Variants in TBL1XR1 observed in about 807,000 individuals in gnomAD.
TBL1XR1 encodes the protein TBL1X/Y related 1, also known as F-box-like/WD repeat-containing protein TBL1XR1.
In TBL1XR1, 5 loss-of-function variants were observed where a neutral mutation model predicts 66.9. The ratio of observed to expected loss-of-function variants is 0.07; its 90% CI spans 0.04 to 0.16. The LOEUF (loss-of-function observed/expected upper bound fraction) is 0.16. TBL1XR1 is among the 10% of genes least tolerant of loss of function. The pLI is 1.00. For missense variants in TBL1XR1, 238 were observed against 623.2 expected, an observed-to-expected ratio of 0.38 and a Z score of 6.58; for synonymous variants, 210 against 206.0, an observed-to-expected ratio of 1.02 and a Z score of -0.17.
At chr3:177,198,633 C>T (rs1348485467), upstream of TBL1XR1, among the ~76,000 whole-genome samples, 1 of 152,118 alleles carries the variant, frequency 6.6e-6, no homozygotes, top group African/African-American at 2.4e-5. Context: ...CTTTTTAGAG[C>T]TTTGTATAAG....
At chr3:177,147,178 C>G (rs1390772132) in intron 1 of TBL1XR1, among the ~76,000 whole-genome samples, 1 of 151,966 alleles carries the variant, frequency 6.6e-6, no homozygotes, top group Non-Finnish European at 1.5e-5. Flanking sequence ...TCCTAAGTAG[C>G]TGGGACTACA....
chr3:177,104,430 C>T (rs1724620668), intron 1 of TBL1XR1, among the ~76,000 whole-genome samples: 1 of 152,180 alleles, frequency 6.6e-6, no homozygotes, highest in African/African-American at 2.4e-5. Flanking sequence ...CTAAGCATTA[C>T]ATCCTCCACT....
intron 1 of TBL1XR1, among the ~76,000 whole-genome samples, chr3:177,111,724 T>C (rs1041019276): frequency 6.6e-6 from 1 of 152,188 alleles, no homozygotes; most frequent in African/African-American, 2.4e-5. Context: ...CAGGAATCTC[T>C]TTGCCATACC....
intron 3 of TBL1XR1, among the ~76,000 whole-genome samples, chr3:177,057,282 T>TC (rs1300330814): frequency 6.6e-6 from 1 of 152,202 alleles, no homozygotes; most frequent in Non-Finnish European, 1.5e-5. Context: ...AACCAGTCTC[T>TC]CCTACGCTGA....
In TBL1XR1 at chr3:177,176,669, G is replaced by A. The variant is rs142660058; in HGVS notation, c.-122+20452C>T. Among the ~76,000 whole-genome samples, 917 of 151,880 alleles carry A rather than the reference G, an allele frequency of 6.0e-3. 12 individuals are homozygous for A. The highest frequency in any genetic ancestry group is 0.021 in the African/African-American group (877 of 41,458). ...TCTCTATTAAAAACACAAAAAATTA[G>A]CCAGGCGTGATGGCGCATGCCTGTA... is the stretch of plus-strand genomic sequence containing the variant. On this transcript the variant is annotated intron_variant, in intron 1 of 15. Transcript: ENST00000457928.
intron 2 of TBL1XR1, among the ~76,000 whole-genome samples, chr3:177,074,966 G>GT (rs1720505427): frequency 6.6e-6 from 1 of 152,152 alleles, no homozygotes; most frequent in Non-Finnish European, 1.5e-5. Context: ...ATGTAATGAT[G>GT]TAAGACAACA....
intron 1 of TBL1XR1, among the ~76,000 whole-genome samples, chr3:177,150,306 G>C (rs1160650944): frequency 6.6e-6 from 1 of 152,150 alleles, no homozygotes; most frequent in Non-Finnish European, 1.5e-5. Flanking sequence ...CAAACAGTGT[G>C]GTGTCAAAGA....
At chr3:177,171,702 CAAAAAAAAAAAAAAA>C (rs34278942) in intron 1 of TBL1XR1, among the ~76,000 whole-genome samples, 1 of 47,306 alleles carries the variant, frequency 2.1e-5, no homozygotes, top group Non-Finnish European at 3.6e-5. Context: ...GACTCCGTCT[CAAAAAAAAAAAAAAA>C]AAAAAAAAAA....
intron 1 of TBL1XR1, among the ~76,000 whole-genome samples, chr3:177,156,652 G>A (rs1731559661): frequency 6.6e-6 from 1 of 151,280 alleles, no homozygotes; most frequent in African/African-American, 2.4e-5. Flanking sequence ...AATTACATGA[G>A]GACATATGAC....
At chr3:177,100,154 A>G (rs1257762522) in intron 1 of TBL1XR1, among the ~76,000 whole-genome samples, 2 of 152,126 alleles carry the variant, frequency 1.3e-5, no homozygotes, top group Non-Finnish European at 2.9e-5. Context: ...CACGAGGGTC[A>G]CTTGAGCCTG....
At position 177,022,354 on chromosome 3, in the gene TBL1XR1, A is replaced by G. The variant is rs1426219791; in HGVS notation, c.*3144T>C. ...AATAATTAAAACAGAATTCAATACA[A>G]TCTAGTATCTATTAGGAAATTAAGA... On this transcript the variant is annotated 3_prime_UTR_variant, in exon 16 of 16. Transcript: ENST00000457928. The G allele has an allele frequency of 6.6e-6, 1 of 152,526 alleles. No homozygotes were observed. The highest frequency in any genetic ancestry group is 1.5e-5 in the Non-Finnish European group (1 of 67,968). The allele number at this position is 152,526 out of a possible 1,614,324, so 9.4% of individuals were successfully genotyped here. A position where few individuals can be genotyped will look rare whatever the true frequency, so the allele number is the denominator to read the frequency against.
At chr3:177,184,997 TCC>T (rs1026021128) in intron 1 of TBL1XR1, among the ~76,000 whole-genome samples, 18 of 152,192 alleles carry the variant, frequency 1.2e-4, no homozygotes, top group Admixed American at 3.9e-4. Context: ...AACATCATTT[TCC>T]CCCTTCTTTT....
At chr3:177,089,031 G>A (rs1048848111) in intron 2 of TBL1XR1, among the ~76,000 whole-genome samples, 17 of 152,126 alleles carry the variant, frequency 1.1e-4, no homozygotes, top group African/African-American at 3.4e-4. Flanking sequence ...TCTCGGCAGC[G>A]ACCTGTTGGC....
intron 2 of TBL1XR1, among the ~76,000 whole-genome samples, chr3:177,069,791 G>GGAAA (rs1230482994): frequency 1.3e-5 from 1 of 77,076 alleles, no homozygotes. Flanking sequence ...GGAAAAGGAA[G>GGAAA]GAAAGGAAGG....
intron 1 of TBL1XR1, among the ~76,000 whole-genome samples, chr3:177,105,413 G>C (rs1305969559): frequency 6.6e-6 from 1 of 152,004 alleles, no homozygotes; most frequent in Non-Finnish European, 1.5e-5. Flanking sequence ...TAATATGAAG[G>C]GGGGATATCA....
At chr3:177,132,116 T>C (rs1440171589) in intron 1 of TBL1XR1, among the ~76,000 whole-genome samples, 1 of 152,224 alleles carries the variant, frequency 6.6e-6, no homozygotes, top group African/African-American at 2.4e-5. Context: ...CAGCATTGTT[T>C]ACTGTTAACA....
intron 5 of TBL1XR1, among the ~76,000 whole-genome samples, chr3:177,050,945 G>T (rs183989403): frequency 1.3e-5 from 2 of 152,182 alleles, no homozygotes; most frequent in Admixed American, 1.3e-4. Flanking sequence ...GTTTCTGCCA[G>T]TAGGGGTTGC....
At chr3:177,047,998 G>T (rs756311602) in intron 7 of TBL1XR1, 22 of 160,364 alleles carry the variant, frequency 1.4e-4, no homozygotes, top group Non-Finnish European at 2.5e-4. Context: ...TGTCTAAAAC[G>T]AAGTGTGTGG....
chr3:177,167,427 C>T (rs1188233458), intron 1 of TBL1XR1, among the ~76,000 whole-genome samples: 5 of 152,086 alleles, frequency 3.3e-5, no homozygotes, highest in Middle Eastern at 3.2e-3. Flanking sequence ...TACATTTGGT[C>T]GAACACGCAG....
Sources: gnomAD v4.1 joint callset for allele counts (sites outside exome capture counted in the v4.1 genomes callset) on GRCh38, gnomAD v4.1.1 for gene constraint, MANE v1.5 for transcripts, NCBI Gene and HGNC (gene_info 2026-07-23, HGNC 2026-07-21) for gene names.